The following PLAUR variants were observed in gnomAD, a reference collection of about 807,000 sequenced individuals.
PLAUR encodes the protein urokinase plasminogen activator surface receptor.
A neutral mutation model predicts 33.4 loss-of-function variants in PLAUR; 22 were observed. The ratio of observed to expected loss-of-function variants is 0.66; its 90% CI spans 0.47 to 0.94. PLAUR has a LOEUF of 0.94. PLAUR is among the 40% of genes least tolerant of loss of function. The pLI, the probability that PLAUR is intolerant of heterozygous loss-of-function variation, is 0.00. For missense variants in PLAUR, 408 were observed against 434.7 expected (o/e 0.94, Z 0.55); for synonymous variants, 148 against 167.3 (o/e 0.88, Z 0.89).
rs750492027 is a variant in PLAUR at position 43,649,069 on chromosome 19, C to T, written c.829G>A (p.Ala277Thr). The T allele has an allele frequency of 1.5e-5, 25 of 1,614,016 alleles. No individual in the cohort carries two copies. The highest frequency in any genetic ancestry group is 1.6e-4 in the Middle Eastern group (1 of 6,082). The change falls in exon 7 of 7, where the codon GCC becomes ACC. Residue 277 changes from alanine to threonine, a missense_variant. Ala to Thr is a moderately conservative substitution (Grantham distance 58). Coordinates refer to ENST00000340093, the MANE Select transcript of PLAUR (RefSeq NM_002659.4). ...SMCQHAHLGD[A>T]FSMNHIDVSC... ...ACATCAATGTGGTTCATGCTGAAGG[C>T]GTCACCCAGGTGGGCATGTTGGCAC... is the stretch of plus-strand genomic sequence containing the variant.
chr19:43,656,957 T>C (rs1424236176), intron 3 of PLAUR, among the ~76,000 whole-genome samples: 1 of 150,544 alleles, frequency 6.6e-6, no homozygotes, highest in Non-Finnish European at 1.5e-5. Flanking sequence ...TTTTTTTTTT[T>C]TCCCGAGACA....
intron 3 of PLAUR, among the ~76,000 whole-genome samples, chr19:43,658,043 A>T (rs1168374856): frequency 1.4e-5 from 2 of 140,676 alleles, no homozygotes; most frequent in South Asian, 2.2e-4. Flanking sequence ...TCTTTAAATT[A>T]AAAAAAAAAA....
chr19:43,652,017 C>T lies in PLAUR; in HGVS notation c.754+208G>A, dbSNP rs573150868. The stretch of plus-strand genomic sequence containing the variant: ...ACAAGCTTCAGCCACCGCACCCAGC[C>T]GGAATTCCACTTTTCCATGGCAAAA... On this transcript the variant is annotated intron_variant, in intron 6 of 6. Transcript: ENST00000340093. 60 of 1,339,006 alleles carry T rather than the reference C, an allele frequency of 4.5e-5. No individual in the cohort carries two copies. In the East Asian group the frequency reaches 1.3e-3, roughly 29 times the overall value. 82.9% of individuals were successfully genotyped at this position (1,339,006 alleles called of 1,614,324 possible).
intron 6 of PLAUR, among the ~76,000 whole-genome samples, chr19:43,650,251 T>C (rs1016419609): frequency 6.6e-6 from 1 of 151,664 alleles, no homozygotes; most frequent in Admixed American, 6.6e-5. Context: ...CCTTGTGATC[T>C]GCCCGCCTTG....
downstream of PLAUR, chr19:43,648,548 G>C (rs1394688248): frequency 4.0e-6 from 4 of 997,918 alleles, no homozygotes; most frequent in Non-Finnish European, 4.8e-6. Context: ...CCCAAAGATA[G>C]ACACTACAAA....
At chr19:43,652,002 G>T (rs1974012889) in intron 6 of PLAUR, 3 of 1,306,440 alleles carry the variant, frequency 2.3e-6, no homozygotes, top group African/African-American at 1.5e-5. Context: ...ACAAGCTTCA[G>T]CCACCGCACC....
At chr19:43,665,604 G>C in intron 2 of PLAUR, 145 bp from the exon 3 acceptor site, 1 of 668,390 alleles carries the variant, frequency 1.5e-6, no homozygotes. Context: ...TCTTTTTCTA[G>C]AGTTAACCTT....
At chr19:43,655,977 G>A (rs188676583) in intron 4 of PLAUR, among the ~76,000 whole-genome samples, 30 of 152,252 alleles carry the variant, frequency 2.0e-4, no homozygotes, top group African/African-American at 5.3e-4. Context: ...GAGGGTGGCC[G>A]GGCGTGGTGG....
downstream of PLAUR, among the ~76,000 whole-genome samples, chr19:43,646,788 CTTTTT>C (rs71169269): frequency 1.2e-4 from 13 of 104,842 alleles, no homozygotes; most frequent in African/African-American, 1.8e-4. Flanking sequence ...TGGAAGATGT[CTTTTT>C]TTTTTTTTTT....
At chr19:43,655,371 C>T (rs1228083458) in intron 5 of PLAUR, 68 bp downstream of exon 5, 17 of 1,527,564 alleles carry the variant, frequency 1.1e-5, no homozygotes, top group South Asian at 7.1e-5. Context: ...AGAGTGACTG[C>T]GCAGCTGTCT....
At chr19:43,666,247 G>A (rs1283215706) in intron 2 of PLAUR, among the ~76,000 whole-genome samples, 1 of 152,016 alleles carries the variant, frequency 6.6e-6, no homozygotes. Flanking sequence ...GTTGTTTCAT[G>A]TGTTCTTAAA....
At chr19:43,657,746 A>G (rs1974272522) in intron 3 of PLAUR, among the ~76,000 whole-genome samples, 1 of 152,174 alleles carries the variant, frequency 6.6e-6, no homozygotes, top group African/African-American at 2.4e-5. Flanking sequence ...CTGTGTCCCA[A>G]CACCACCTGG....
intron 2 of PLAUR, among the ~76,000 whole-genome samples, chr19:43,666,749 A>G: frequency 6.6e-6 from 1 of 151,024 alleles, no homozygotes; most frequent in Non-Finnish European, 1.5e-5. Flanking sequence ...TGTATTTTTT[A>G]GTAGAGACAG....
At chr19:43,665,153 G>A in intron 3 of PLAUR, 163 bp downstream of exon 3, 1 of 656,752 alleles carries the variant, frequency 1.5e-6, no homozygotes, top group South Asian at 1.8e-5. Context: ...AGAATGAGTT[G>A]GGGATGGAGC....
At chr19:43,655,388 G>A (rs1169768712) in intron 5 of PLAUR, 51 bp downstream of exon 5, 4 of 1,593,344 alleles carry the variant, frequency 2.5e-6, no homozygotes. Flanking sequence ...GTCTGCCTGA[G>A]TGCATGCCCC....
In PLAUR at chr19:43,648,817, G is replaced by A; in HGVS notation, c.*73C>T. The stretch of plus-strand genomic sequence containing the variant: ...TGGCCTGAGGTCACACAGCAAGTCT[G>A]TAGGGCTGGGAGCCGAGGGAAGGGC... On this transcript the variant is annotated 3_prime_UTR_variant, in exon 7 of 7. Coordinates refer to ENST00000340093, the MANE Select transcript of PLAUR (RefSeq NM_002659.4). 1 of 1,500,190 alleles carries A rather than the reference G, an allele frequency of 6.7e-7. No individual in the cohort carries two copies. The highest frequency in any genetic ancestry group is 9.1e-7 in the Non-Finnish European group (1 of 1,096,024). The allele number at this position is 1,500,190 out of a possible 1,614,324, so 92.9% of individuals were successfully genotyped here.
chr19:43,656,047 G>A (rs141757460), intron 4 of PLAUR, among the ~76,000 whole-genome samples: 4 of 152,080 alleles, frequency 2.6e-5, no homozygotes, highest in Non-Finnish European at 1.5e-5. Flanking sequence ...AAGGTCAGGA[G>A]TTTGAGACCA....
At chr19:43,658,268 G>A (rs1396000844) in intron 3 of PLAUR, among the ~76,000 whole-genome samples, 1 of 152,162 alleles carries the variant, frequency 6.6e-6, no homozygotes, top group African/African-American at 2.4e-5. Context: ...AAAGCCATGG[G>A]AGGGGAGCAT....
intron 3 of PLAUR, among the ~76,000 whole-genome samples, chr19:43,658,747 C>G (rs754614752): frequency 1.3e-5 from 2 of 152,184 alleles, no homozygotes; most frequent in Non-Finnish European, 2.9e-5. Context: ...AGCCAAGGTT[C>G]TCAACTGGCA....
Sources: gnomAD v4.1 joint callset for allele counts (sites outside exome capture counted in the v4.1 genomes callset) on GRCh38, gnomAD v4.1.1 for gene constraint, MANE v1.5 for transcripts, NCBI Gene and HGNC (gene_info 2026-07-23, HGNC 2026-07-21) for gene names.